Variants in RARB observed in about 807,000 individuals in gnomAD.
RARB encodes retinoic acid receptor beta, also known as HBV-activated protein.
Under a neutral mutation model 51.9 loss-of-function variants are expected in RARB, and 17 were observed. That is an observed-to-expected ratio of 0.33 (90% CI 0.22 to 0.49). The LOEUF is 0.49. Among genes scored for constraint, RARB ranks in the 20% least tolerant of loss-of-function variants. The pLI, the probability that RARB is intolerant of heterozygous loss-of-function variation, is 0.99. For synonymous variants in RARB, 215 were observed against 195.4 expected (o/e 1.10, Z -0.84); for missense variants, 369 against 550.8 (o/e 0.67, Z 3.30).
intron 3 of RARB, among the ~76,000 whole-genome samples, chr3:25,089,718 A>T (rs538470120): frequency 1.3e-5 from 2 of 152,274 alleles, no homozygotes; most frequent in Non-Finnish European, 2.9e-5. Context: ...CCTCTCCTTG[A>T]AAGAGAAGCC....
chr3:25,168,646 A>G (rs1383229811), intron 4 of RARB, among the ~76,000 whole-genome samples: 3 of 152,238 alleles, frequency 2.0e-5, no homozygotes, highest in Non-Finnish European at 4.4e-5. Flanking sequence ...GTTACCATAA[A>G]TGTAAAAATC....
intron 2 of RARB, among the ~76,000 whole-genome samples, chr3:24,984,608 A>C (rs1696747677): frequency 6.6e-6 from 1 of 152,242 alleles, no homozygotes; most frequent in Non-Finnish European, 1.5e-5. Flanking sequence ...TGGCGAAAAC[A>C]GAGAAATATT....
intron 3 of RARB, among the ~76,000 whole-genome samples, chr3:25,080,710 C>G: frequency 6.6e-6 from 1 of 152,042 alleles, no homozygotes; most frequent in South Asian, 2.1e-4. Flanking sequence ...TTTTTACATT[C>G]TTTGGAGAAA....
intron 3 of RARB, among the ~76,000 whole-genome samples, chr3:25,537,427 C>T (rs1364436478): frequency 6.6e-6 from 1 of 152,164 alleles, no homozygotes; most frequent in Non-Finnish European, 1.5e-5. Context: ...TGTTTGCGTG[C>T]ACACACAAAC....
At chr3:25,249,316 C>G (rs544084083) in intron 5 of RARB, among the ~76,000 whole-genome samples, 71 of 151,980 alleles carry the variant, frequency 4.7e-4, no homozygotes, top group Non-Finnish European at 9.7e-4. Context: ...TAATAAATTT[C>G]TTACTTATAT....
intron 1 of RARB, among the ~76,000 whole-genome samples, chr3:24,858,114 C>T (rs1341479261): frequency 2.0e-5 from 3 of 152,174 alleles, no homozygotes; most frequent in African/African-American, 7.2e-5. Flanking sequence ...GGATTAGAAA[C>T]TATTGTCATA....
intron 2 of RARB, among the ~76,000 whole-genome samples, chr3:24,864,234 G>C (rs908825054): frequency 1.3e-5 from 2 of 152,044 alleles, no homozygotes; most frequent in East Asian, 3.9e-4. Flanking sequence ...TGGAACTGTT[G>C]GTATCCAGGT....
intron 2 of RARB, among the ~76,000 whole-genome samples, chr3:25,007,184 C>T (rs79285081): frequency 0.038 from 5,753 of 152,224 alleles, 133 homozygotes; most frequent in Middle Eastern, 0.065. Flanking sequence ...GGCCAGGGAG[C>T]CTGCATCTTC....
At chr3:24,899,519 AGT>A (rs747790798) in intron 2 of RARB, among the ~76,000 whole-genome samples, 3 of 152,190 alleles carry the variant, frequency 2.0e-5, no homozygotes, top group Non-Finnish European at 2.9e-5. Flanking sequence ...TCTTGACATC[AGT>A]CTCTCTCCCT....
At chr3:25,454,994 T>G (rs758556257) in intron 1 of RARB, among the ~76,000 whole-genome samples, 1 of 152,228 alleles carries the variant, frequency 6.6e-6, no homozygotes, top group Non-Finnish European at 1.5e-5. Context: ...AACTCGGGAA[T>G]TCTGCTTTTG....
intron 5 of RARB, among the ~76,000 whole-genome samples, chr3:25,214,418 C>T (rs534443686): frequency 6.6e-5 from 10 of 152,048 alleles, no homozygotes; most frequent in South Asian, 6.2e-4. Context: ...AGCCACACAC[C>T]GGGAGACAAT....
At chr3:25,481,805 C>T (rs778708890) in intron 2 of RARB, among the ~76,000 whole-genome samples, 12 of 152,216 alleles carry the variant, frequency 7.9e-5, no homozygotes, top group Non-Finnish European at 1.3e-4. Flanking sequence ...TTCTGTCTGT[C>T]TTTAAAGGCA....
intron 2 of RARB, among the ~76,000 whole-genome samples, chr3:25,478,650 C>T (rs1368298786): frequency 6.6e-6 from 1 of 152,142 alleles, no homozygotes. Flanking sequence ...ATGCAGTACC[C>T]TTAGTATCGA....
chr3:25,365,451 G>C (rs558210600), intron 5 of RARB, among the ~76,000 whole-genome samples: 71 of 151,888 alleles, frequency 4.7e-4, no homozygotes, highest in Non-Finnish European at 7.9e-4. Flanking sequence ...TTAAAAATAT[G>C]GTTCTATGTT....
chr3:25,149,955 A>G (rs372641352), intron 4 of RARB, among the ~76,000 whole-genome samples: 2 of 152,134 alleles, frequency 1.3e-5, no homozygotes, highest in East Asian at 3.9e-4. Flanking sequence ...TAATCCCAGC[A>G]CTTTGAGAGG....
intron 3 of RARB, among the ~76,000 whole-genome samples, chr3:25,532,708 A>G (rs530421270): frequency 5.3e-5 from 8 of 152,348 alleles, no homozygotes; most frequent in Non-Finnish European, 1.0e-4. Flanking sequence ...TATTATGAAC[A>G]TGGTCCAAAT....
chr3:24,991,670 C>T (rs1696915175), intron 2 of RARB, among the ~76,000 whole-genome samples: 1 of 151,924 alleles, frequency 6.6e-6, no homozygotes, highest in Admixed American at 6.6e-5. Flanking sequence ...AATTGCCTAC[C>T]ACTAGTTTGA....
At chr3:24,963,573 C>T (rs957634331) in intron 2 of RARB, among the ~76,000 whole-genome samples, 19 of 151,642 alleles carry the variant, frequency 1.3e-4, no homozygotes, top group Admixed American at 1.2e-3. Flanking sequence ...ACTTTTAGAA[C>T]TAAATTCTCC....
chr3:24,921,923 A>C (rs1695224610), intron 2 of RARB, among the ~76,000 whole-genome samples: 1 of 152,234 alleles, frequency 6.6e-6, no homozygotes, highest in Non-Finnish European at 1.5e-5. Flanking sequence ...TGAAGGCTGC[A>C]GATTGATGCA....
Sources: allele counts gnomAD v4.1 joint callset (sites outside exome capture counted in the v4.1 genomes callset), GRCh38; gene constraint gnomAD v4.1.1; transcripts MANE v1.5; gene names NCBI Gene and HGNC (gene_info 2026-07-23, HGNC 2026-07-21).